PPP6R2: variants seen among roughly 807,000 people sequenced by gnomAD.
PPP6R2 encodes the protein serine/threonine-protein phosphatase 6 regulatory subunit 2.
A neutral mutation model predicts 100.2 loss-of-function variants in PPP6R2; 62 were observed. That is an observed-to-expected ratio of 0.62 (90% CI 0.50 to 0.76). The LOEUF (loss-of-function observed/expected upper bound fraction) is 0.76, where lower values mean the gene tolerates loss of function less well. Among genes scored for constraint, PPP6R2 ranks in the 30% least tolerant of loss-of-function variants. The pLI is 0.00. For missense variants in PPP6R2, 1,142 were observed against 1,276.3 expected, an observed-to-expected ratio of 0.89 and a Z score of 1.60; for synonymous variants, 525 against 514.7, an observed-to-expected ratio of 1.02 and a Z score of -0.27.
intron 18 of PPP6R2, 35 bp downstream of exon 18, chr22:50,438,333 C>G (rs563844340): frequency 1.1e-5 from 17 of 1,593,590 alleles, no homozygotes; most frequent in East Asian, 2.2e-5. Flanking sequence ...AAGCCTCTGC[C>G]GAGGAGGTTC....
chr22:50,426,241 C>T (rs1375185558), intron 10 of PPP6R2, among the ~76,000 whole-genome samples: 2 of 152,204 alleles, frequency 1.3e-5, no homozygotes, highest in Non-Finnish European at 2.9e-5. Flanking sequence ...GCGTGAGCCA[C>T]CAGCCACCCA....
chr22:50,332,019 C>T, the PPP6R2 span, among the ~76,000 whole-genome samples: 5 of 152,260 alleles, frequency 3.3e-5, no homozygotes, highest in Admixed American at 2.6e-4. Flanking sequence ...CCTACCTCAG[C>T]CTCCCAAAGT....
At chr22:50,357,295 A>G (rs1299163031) in intron 1 of PPP6R2, among the ~76,000 whole-genome samples, 1 of 152,150 alleles carries the variant, frequency 6.6e-6, no homozygotes, top group African/African-American at 2.4e-5. Context: ...GTGCATGCGT[A>G]TATGCATATA....
chr22:50,372,588 T>TG (rs1288286860), intron 2 of PPP6R2, among the ~76,000 whole-genome samples: 6 of 152,126 alleles, frequency 3.9e-5, no homozygotes, highest in Non-Finnish European at 7.4e-5. Context: ...GATGTGCTCA[T>TG]GGTCTGTTGT....
intron 1 of PPP6R2, among the ~76,000 whole-genome samples, chr22:50,368,669 G>A (rs941670847): frequency 2.6e-5 from 4 of 151,788 alleles, no homozygotes; most frequent in Non-Finnish European, 1.5e-5. Flanking sequence ...TGGGTAGCTT[G>A]CCGCCCACAA....
chr22:50,338,364 GGTGTGTGTATGGTATATA>G (rs2042327008), upstream of PPP6R2, among the ~76,000 whole-genome samples: 3 of 145,328 alleles, frequency 2.1e-5, no homozygotes, highest in African/African-American at 2.6e-5. Flanking sequence ...TATGGTGTGT[GGTGTGTGTATGGTATATA>G]GTGTCTGTGG....
At chr22:50,334,245 G>A in the PPP6R2 span, among the ~76,000 whole-genome samples, 19 of 152,172 alleles carry the variant, frequency 1.2e-4, no homozygotes, top group African/African-American at 3.4e-4. Flanking sequence ...TTCCTGGTCC[G>A]CTGAGTAACA....
At chr22:50,364,215 G>T (rs1047801554) in intron 1 of PPP6R2, among the ~76,000 whole-genome samples, 1 of 152,088 alleles carries the variant, frequency 6.6e-6, no homozygotes, top group Non-Finnish European at 1.5e-5. Flanking sequence ...CAGACTTATT[G>T]TGAGGCCAGT....
chr22:50,391,432 CAAAAAAA>C (rs57682271), intron 2 of PPP6R2, among the ~76,000 whole-genome samples: 79 of 65,286 alleles, frequency 1.2e-3, no homozygotes, highest in Admixed American at 1.9e-3. Context: ...GACTCCGTCT[CAAAAAAA>C]AAAAAAAAAA....
chr22:50,405,078 A>G (rs1265658174), intron 3 of PPP6R2, among the ~76,000 whole-genome samples: 1 of 152,200 alleles, frequency 6.6e-6, no homozygotes, highest in African/African-American at 2.4e-5. Context: ...CATCCCTCAC[A>G]TGGTTCCTGA....
intron 10 of PPP6R2, among the ~76,000 whole-genome samples, chr22:50,425,390 C>T (rs2061954663): frequency 6.6e-6 from 1 of 152,352 alleles, no homozygotes; most frequent in Non-Finnish European, 1.5e-5. Context: ...GTCCATTCAT[C>T]CATCCATCAG....
In PPP6R2 at chr22:50,393,978, C is replaced by G. The variant is rs1421383238; in HGVS notation, c.70C>G (p.Leu24Val). The change falls in exon 3 of 24, where the codon CTG (leucine) becomes GTG (valine). Residue 24 changes from leucine to valine, a missense_variant. Leu to Val is a conservative substitution (Grantham distance 32). This residue lies in a region of PPP6R2 where 592 missense variants were observed against 758.9 expected (regional missense o/e 0.78). Coordinates refer to ENST00000612753, the MANE Select transcript of PPP6R2 (RefSeq NM_001242898.2). ...GCTGCTGGACAAGGAGCATGTGACG[C>G]TGCAGGAGTTAATGGATGAAGATGA... ...DKLLDKEHVT[L>V]QELMDEDDIL... 1.2e-6 allele frequency: 2 copies of G among 1,614,070 alleles called. No individual in the cohort carries two copies. The highest frequency in any genetic ancestry group is 3.3e-5 in the Admixed American group (2 of 59,984).
At chr22:50,339,109 GTATGTAGTGTGTGT>G (rs1201823978), upstream of PPP6R2, among the ~76,000 whole-genome samples, 11 of 134,090 alleles carry the variant, frequency 8.2e-5, no homozygotes, top group East Asian at 2.2e-3. Context: ...ATGTAGTGTG[GTATGTAGTGTGTGT>G]TATGTAGTGT....
chr22:50,395,121 T>G (rs1317093479), intron 3 of PPP6R2, among the ~76,000 whole-genome samples: 1 of 152,134 alleles, frequency 6.6e-6, no homozygotes, highest in South Asian at 2.1e-4. Context: ...ACAAAATGGC[T>G]AGGCAGGAGA....
chr22:50,413,607 C>T (rs912222026), intron 4 of PPP6R2, among the ~76,000 whole-genome samples: 2 of 152,104 alleles, frequency 1.3e-5, no homozygotes, highest in Non-Finnish European at 2.9e-5. Flanking sequence ...TCTGTTTTGT[C>T]CTTCGTCTTT....
At chr22:50,375,541 G>C (rs1396322340) in intron 2 of PPP6R2, among the ~76,000 whole-genome samples, 1 of 152,126 alleles carries the variant, frequency 6.6e-6, no homozygotes, top group Non-Finnish European at 1.5e-5. Context: ...CTCAAGGTGT[G>C]AGGGCAGACT....
Position 50,436,547 on chromosome 22 carries a change from G to A in PPP6R2, c.1602+95G>A, listed in dbSNP as rs1169081844. ...TGCCCTGAGGCAGAGGCCAAGGGAGGCACAAGGGCCGCACGCCTGCCTGCT... is the reference window on the plus strand; with the variant it reads ...TGCCCTGAGGCAGAGGCCAAGGGAGACACAAGGGCCGCACGCCTGCCTGCT... On this transcript the variant is annotated intron_variant, in intron 14 of 23. Coordinates refer to ENST00000612753, the MANE Select transcript of PPP6R2 (RefSeq NM_001242898.2). The A allele has an allele frequency of 3.9e-6, 5 of 1,271,258 alleles. No individual in the cohort carries two copies. In the African/African-American group the frequency reaches 4.4e-5, roughly 11 times the overall value. 78.7% of individuals were successfully genotyped at this position (1,271,258 alleles called of 1,614,324 possible).
intron 5 of PPP6R2, 70 bp downstream of exon 5, chr22:50,414,759 G>T: frequency 1.3e-6 from 2 of 1,541,228 alleles, no homozygotes; most frequent in East Asian, 2.3e-5. Flanking sequence ...TTAAGTGCAG[G>T]AGCTCAGAGC....
chr22:50,390,954 G>C (rs1360180681), intron 2 of PPP6R2, among the ~76,000 whole-genome samples: 1 of 150,354 alleles, frequency 6.7e-6, no homozygotes, highest in Non-Finnish European at 1.5e-5. Flanking sequence ...AGCCGAGGTC[G>C]TGCCACTGCA....
Sources: gnomAD v4.1 joint callset for allele counts (sites outside exome capture counted in the v4.1 genomes callset) on GRCh38, gnomAD v4.1.1 for gene constraint, gnomAD v4.1.1 regional missense constraint, MANE v1.5 for transcripts, NCBI Gene and HGNC (gene_info 2026-07-23, HGNC 2026-07-21) for gene names.